RAB34: variants seen among roughly 807,000 people sequenced by gnomAD.
RAB34 encodes RAB34, member RAS oncogene family.
RAB34 carries 33 observed loss-of-function variants against 39.0 expected under a neutral mutation model. That is an observed-to-expected ratio of 0.85 (90% CI 0.64 to 1.13). The LOEUF (loss-of-function observed/expected upper bound fraction) is 1.13. RAB34 is among the 50% of genes most tolerant of loss of function. The pLI, the probability that RAB34 is intolerant of heterozygous loss-of-function variation, is 0.00. For synonymous variants in RAB34, 135 were observed against 125.1 expected, an observed-to-expected ratio of 1.08 and a Z score of -0.53; for missense variants, 289 against 326.1, an observed-to-expected ratio of 0.89 and a Z score of 0.88.
At position 28,717,658 on chromosome 17, in the gene RAB34, C is replaced by CCGGGGCCG. The variant is rs1411471707; in HGVS notation, c.-400_-393dup. ...GGGGCCGGATGGTTCCTACAATAAC[C>CCGGGGCCG]CGGGGCCGCGGAGACCCGACGTCAT... On this transcript the variant is annotated 5_prime_UTR_variant, in exon 1 of 10. It introduces an in-frame stop codon into an upstream open reading frame of the 5' UTR. Coordinates refer to ENST00000395245, the MANE Select transcript of RAB34 (RefSeq NM_031934.6). The CCGGGGCCG allele has an allele frequency of 1.5e-6, 2 of 1,365,076 alleles. No homozygotes were observed. Among genetic ancestry groups the CCGGGGCCG allele is most frequent in the South Asian group, 1.8e-5 (1 of 55,590 alleles). 84.6% of individuals were successfully genotyped at this position (1,365,076 alleles called of 1,614,324 possible).
rs1375611866 is a variant in RAB34 at position 28,717,384 on chromosome 17, GGGGC to G, written c.-122_-119del. The G allele has an allele frequency of 6.6e-7, 1 of 1,524,750 alleles. No individual in the cohort carries two copies. The highest frequency in any genetic ancestry group is 1.4e-5 in the African/African-American group (1 of 72,454). 94.5% of individuals were successfully genotyped at this position (1,524,750 alleles called of 1,614,324 possible). A position where few individuals can be genotyped will look rare whatever the true frequency, so the allele number is the denominator to read the frequency against. On this transcript the variant is annotated 5_prime_UTR_variant, in exon 1 of 10. The change creates a premature stop within an existing upstream ORF in the 5' untranslated region. Transcript: ENST00000395245. Reference sequence around the variant, plus strand: ...GGCCGGGGTGTCCCGACTACAACTCGGGGCCACGGGGACCCTACGGGAGTCCGCG... The same window carrying G: ...GGCCGGGGTGTCCCGACTACAACTCGCACGGGGACCCTACGGGAGTCCGCG...
intron 3 of RAB34, 23 bp downstream of exon 3, chr17:28,715,970 G>A: frequency 6.2e-7 from 1 of 1,613,850 alleles, no homozygotes; most frequent in Non-Finnish European, 8.5e-7. Context: ...ACCCTGCCCA[G>A]CTCAGCTCCA....
At chr17:28,717,881 G>A (rs1024797711), upstream of RAB34, 181 of 1,358,358 alleles carry the variant, frequency 1.3e-4, no homozygotes, top group Non-Finnish European at 1.6e-4. Flanking sequence ...CACGATCCCC[G>A]GAAATTCCTG....
In RAB34 at chr17:28,716,975, G is replaced by A; in HGVS notation, c.74C>T (p.Ala25Val). Residue 25 changes from alanine (A) to valine (V), a missense_variant, in exon 2 of 10, where the codon GCT becomes GTT. Physicochemically the swap from Ala to Val is moderately conservative, Grantham distance 64. Transcript: ENST00000395245. ...GTGGAAGTCTTTGTGCCCGTGCAAA[G>A]CGGCCTCCTTCCTCAGGCACTTAGT... ...ELPQCLRKEAALHGHKDFHPR... is the reference protein window; with the variant it reads ...ELPQCLRKEAVLHGHKDFHPR... The A allele has an allele frequency of 6.2e-7, 1 of 1,613,698 alleles. No individual in the cohort carries two copies. The highest frequency in any genetic ancestry group is 8.5e-7 in the Non-Finnish European group (1 of 1,179,940).
In RAB34 at chr17:28,717,134, T is replaced by A. The variant is rs975370917; in HGVS notation, c.54+79A>T. On this transcript the variant is annotated intron_variant, in intron 1 of 9. Coordinates refer to ENST00000395245, the MANE Select transcript of RAB34 (RefSeq NM_031934.6). Reference sequence around the variant, plus strand: ...TGGGTGGCAGGGCTGGGCCCAGTCCTCTAACTGGTCTGGTGCCGCCTCCTC... The same window carrying A: ...TGGGTGGCAGGGCTGGGCCCAGTCCACTAACTGGTCTGGTGCCGCCTCCTC... 2.6e-6 allele frequency: 4 copies of A among 1,536,866 alleles called. No individual in the cohort carries two copies. The African/African-American group carries it at 4.1e-5, about 16-fold the overall frequency.
chr17:28,717,202 C>A lies in RAB34; in HGVS notation c.54+11G>T. On this transcript the variant is annotated intron_variant, in intron 1 of 9. Coordinates refer to ENST00000395245, the MANE Select transcript of RAB34 (RefSeq NM_031934.6). ...CTGTAGACTGAAGCCCGACGTGGCC[C>A]CGGCGCCTACCTGGGGCAGCTCCGC... 1 of 1,596,656 alleles carries A rather than the reference C, an allele frequency of 6.3e-7. No individual in the cohort carries two copies. The highest frequency in any genetic ancestry group is 1.1e-5 in the South Asian group (1 of 89,578).
chr17:28,715,901 C>A lies in RAB34; in HGVS notation c.213G>T (p.Arg71Ser), dbSNP rs368248729. 6.2e-7 allele frequency: 1 copy of A among 1,613,742 alleles called. No homozygotes were observed. The highest frequency in any genetic ancestry group is 8.5e-7 in the Non-Finnish European group (1 of 1,179,756). Residue 71 changes from arginine to serine, a missense_variant and splice_region_variant, in exon 4 of 10, where the codon AGG (arginine) becomes AGT (serine). Coordinates refer to ENST00000395245, the MANE Select transcript of RAB34 (RefSeq NM_031934.6). ...TCTTATCAAAGGTGTCTTTGCAGAA[C>A]CTGAGAGGGTACCAGATGCTGTGAT... ...LSVGKTCLIN[R>S]FCKDTFDKNY...
At position 28,714,415 on chromosome 17, in the gene RAB34, C is replaced by T. The variant is rs1392277221; in HGVS notation, c.*228G>A. On this transcript the variant is annotated 3_prime_UTR_variant, in exon 10 of 10. Coordinates refer to ENST00000395245, the MANE Select transcript of RAB34 (RefSeq NM_031934.6). ...ACTCTCCCTCACTACCACTGGGCGC[C>T]CTGGACAGTCCCCTGAGGAGTAGGG... 3 of 814,226 alleles carry T rather than the reference C, an allele frequency of 3.7e-6. No individual in the cohort carries two copies. The Admixed American group carries it at 6.5e-5, about 18-fold the overall frequency. The allele number at this position is 814,226 out of a possible 1,614,324, so 50.4% of individuals were successfully genotyped here.
rs1222607512 is a variant in RAB34 at position 28,714,515 on chromosome 17, A to G, written c.*128T>C. 6.2e-7 allele frequency: 1 copy of G among 1,602,762 alleles called. No individual in the cohort carries two copies. Among genetic ancestry groups the G allele is most frequent in the African/African-American group, 1.3e-5 (1 of 74,708 alleles). On this transcript the variant is annotated 3_prime_UTR_variant, in exon 10 of 10. Transcript: ENST00000395245. ...ATCCCAGCTACCCCTCTGTGGGAAT[A>G]CTGCCACCAAGAGGCAGCTCTTTGG...
In RAB34 at chr17:28,715,203, C is replaced by A. The variant is rs367763029; in HGVS notation, c.505G>T (p.Asp169Tyr). 6.2e-7 allele frequency: 1 copy of A among 1,614,092 alleles called. No homozygotes were observed. Among genetic ancestry groups the A allele is most frequent in the African/African-American group, 1.3e-5 (1 of 75,060 alleles). Residue 169 changes from aspartate (D) to tyrosine (Y), a missense_variant, in exon 7 of 10, where the codon GAT becomes TAT. Coordinates refer to ENST00000395245, the MANE Select transcript of RAB34 (RefSeq NM_031934.6). The part of the protein sequence containing the change: ...VLLFLVGSKK[D>Y]LSTPAQYALM... Reference sequence around the variant, plus strand: ...CCCACTGGCACACTCACACTCAGATCCTTCTTGGAACCTACAAGGAAGAGA... The same window carrying A: ...CCCACTGGCACACTCACACTCAGATACTTCTTGGAACCTACAAGGAAGAGA...
upstream of RAB34, chr17:28,717,902 G>A (rs967256368): frequency 3.0e-6 from 4 of 1,354,162 alleles, no homozygotes; most frequent in Admixed American, 3.8e-5. Context: ...GAGAAGGGCC[G>A]CCCCCCGCCC....
chr17:28,717,377 A>G lies in RAB34; in HGVS notation c.-111T>C, dbSNP rs776567471. ...CACCCGCGGCCGGGGTGTCCCGACTACAACTCGGGGCCACGGGGACCCTAC... is the reference window on the plus strand; with the variant it reads ...CACCCGCGGCCGGGGTGTCCCGACTGCAACTCGGGGCCACGGGGACCCTAC... On this transcript the variant is annotated 5_prime_UTR_variant, in exon 1 of 10. Transcript: ENST00000395245. 19 of 1,526,864 alleles carry G rather than the reference A, an allele frequency of 1.2e-5. No individual in the cohort carries two copies. In the South Asian group the frequency reaches 2.1e-4, roughly 17 times the overall value. 94.6% of individuals were successfully genotyped at this position (1,526,864 alleles called of 1,614,324 possible).
At chr17:28,715,610 C>T in intron 5 of RAB34, 31 bp downstream of exon 5, 1 of 1,614,066 alleles carries the variant, frequency 6.2e-7, no homozygotes, top group Non-Finnish European at 8.5e-7. Context: ...CACTCTGAGA[C>T]CCACCTACCC....
chr17:28,715,551 C>T (rs368407811), intron 5 of RAB34, 44 bp from the exon 6 acceptor site: 61 of 1,614,004 alleles, frequency 3.8e-5, no homozygotes, highest in Middle Eastern at 1.6e-4. Flanking sequence ...AGGGAAGACA[C>T]TACTGCTCAT....
chr17:28,717,151 C>T (rs750474146), intron 1 of RAB34, 62 bp downstream of exon 1: 5 of 1,545,170 alleles, frequency 3.2e-6, no homozygotes, highest in Non-Finnish European at 4.4e-6. Context: ...GGTCTGGTGC[C>T]GCCTCCTCCT....
chr17:28,715,520 C>T lies in RAB34; in HGVS notation c.380-13G>A, dbSNP rs770099201. 4 of 1,614,120 alleles carry T rather than the reference C, an allele frequency of 2.5e-6. No individual in the cohort carries two copies. The Admixed American group carries it at 6.7e-5, about 27-fold the overall frequency. ...ACAATGATGATGGCTGGAAGAGTGG[C>T]AGAAACAGCCCCAGGTTGACAGGGA... On this transcript the variant is annotated splice_polypyrimidine_tract_variant and intron_variant, in intron 5 of 9. Coordinates refer to ENST00000395245, the MANE Select transcript of RAB34 (RefSeq NM_031934.6).
At position 28,715,695 on chromosome 17, in the gene RAB34, C is replaced by G; in HGVS notation, c.325G>C (p.Ala109Pro). 2 of 1,614,060 alleles carry G rather than the reference C, an allele frequency of 1.2e-6. No homozygotes were observed. Among genetic ancestry groups the G allele is most frequent in the Non-Finnish European group, 1.7e-6 (2 of 1,180,010 alleles). Residue 109 changes from alanine (A) to proline (P), a missense_variant, in exon 5 of 10, where the codon GCT becomes CCT. Ala to Pro is a conservative substitution (Grantham distance 27, BLOSUM62 -1). Transcript: ENST00000395245. ...ATGCATTTGAACCTCTCCTGCCCAGCGGTATCCCAACTGGAAGGAAGGAAG... is the reference window on the plus strand; with the variant it reads ...ATGCATTTGAACCTCTCCTGCCCAGGGGTATCCCAACTGGAAGGAAGGAAG... Reference protein sequence around the residue: ...IPFSLQLWDTAGQERFKCIAS... With the variant: ...IPFSLQLWDTPGQERFKCIAS...
chr17:28,715,535 G>T, intron 5 of RAB34, 28 bp from the exon 6 acceptor site: 1 of 1,614,116 alleles, frequency 6.2e-7, no homozygotes, highest in Non-Finnish European at 8.5e-7. Flanking sequence ...ACAGCCCCAG[G>T]TTGACAGGGA....
chr17:28,717,144 C>G, intron 1 of RAB34, 69 bp downstream of exon 1: 2 of 1,539,598 alleles, frequency 1.3e-6, no homozygotes, highest in Non-Finnish European at 1.7e-6. Flanking sequence ...TCTAACTGGT[C>G]TGGTGCCGCC....
Sources: allele counts gnomAD v4.1 joint callset, GRCh38; gene constraint gnomAD v4.1.1; transcripts MANE v1.5; gene names NCBI Gene and HGNC (gene_info 2026-07-23, HGNC 2026-07-21).